The following PIP4K2A variants were observed in gnomAD, a reference collection of about 807,000 sequenced individuals.
PIP4K2A encodes the protein phosphatidylinositol-5-phosphate 4-kinase type 2 alpha, also known as phosphatidylinositol 5-phosphate 4-kinase type-2 alpha.
PIP4K2A carries 14 observed loss-of-function variants against 42.9 expected under a neutral mutation model. That is an observed-to-expected ratio of 0.33 (90% CI 0.22 to 0.51). The LOEUF is 0.51. PIP4K2A is among the 20% of genes least tolerant of loss of function. The pLI, the probability that PIP4K2A is intolerant of heterozygous loss-of-function variation, is 0.97. For synonymous variants in PIP4K2A, 192 were observed against 192.2 expected (o/e 1.00, Z 0.01); for missense variants, 434 against 519.8 (o/e 0.83, Z 1.61).
chr10:22,579,780 G>A (rs988648169), intron 4 of PIP4K2A, among the ~76,000 whole-genome samples: 1 of 151,958 alleles, frequency 6.6e-6, no homozygotes, highest in African/African-American at 2.4e-5. Context: ...ATGGTGGCAG[G>A]TGCCTGTAGT....
chr10:22,694,648 A>G (rs1839935172), intron 1 of PIP4K2A: 1 of 152,206 alleles, frequency 6.6e-6, no homozygotes, highest in African/African-American at 2.4e-5. Context: ...TTACTTAATC[A>G]GTCCCTTCAA....
At chr10:22,597,040 A>C (rs981685411) in intron 3 of PIP4K2A, among the ~76,000 whole-genome samples, 1 of 152,252 alleles carries the variant, frequency 6.6e-6, no homozygotes, top group African/African-American at 2.4e-5. Flanking sequence ...TTGCCAAGTA[A>C]AGTGTGTAGA....
chr10:22,677,696 C>T (rs555075789), intron 1 of PIP4K2A, among the ~76,000 whole-genome samples: 10 of 152,246 alleles, frequency 6.6e-5, no homozygotes, highest in Non-Finnish European at 1.3e-4. Context: ...ACCACTTCCA[C>T]TTGTCAGTTT....
chr10:22,556,517 T>A (rs534573899), intron 6 of PIP4K2A, among the ~76,000 whole-genome samples: 1 of 152,222 alleles, frequency 6.6e-6, no homozygotes, highest in Non-Finnish European at 1.5e-5. Context: ...TGGAATAAAA[T>A]GTAATGATTT....
Position 22,573,332 on chromosome 10 carries a change from C to T in PIP4K2A, c.618G>A (p.Val206=), listed in dbSNP as rs1250144890. 3.1e-6 allele frequency: 5 copies of T among 1,613,702 alleles called. No individual in the cohort carries two copies. Among genetic ancestry groups the T allele is most frequent in the East Asian group, 2.2e-5 (1 of 44,874 alleles). The change falls in exon 5 of 10, where the codon GTG becomes GTA. Residue 206 remains valine (V), a synonymous_variant. Coordinates refer to ENST00000376573, the MANE Select transcript of PIP4K2A (RefSeq NM_005028.5). ...TCACCTTTAAGTCGTATTTCCTATACACAGACAAACGGTGGCTGAATACAT... is the reference window on the plus strand; with the variant it reads ...TCACCTTTAAGTCGTATTTCCTATATACAGACAAACGGTGGCTGAATACAT... The part of the protein sequence containing the change: ...TRNVFSHRLS[V]YRKYDLKGST...
At chr10:22,680,941 G>T (rs1839647402) in intron 1 of PIP4K2A, among the ~76,000 whole-genome samples, 1 of 152,136 alleles carries the variant, frequency 6.6e-6, no homozygotes, top group South Asian at 2.1e-4. Context: ...CTTTGGGAGG[G>T]GCCCCTCACC....
At chr10:22,634,458 T>G (rs958946599) in intron 1 of PIP4K2A, among the ~76,000 whole-genome samples, 1 of 152,260 alleles carries the variant, frequency 6.6e-6, no homozygotes, top group African/African-American at 2.4e-5. Flanking sequence ...GTATCCGTTT[T>G]GGCCGAGTTC....
chr10:22,538,128 C>G (rs566519035), intron 9 of PIP4K2A, among the ~76,000 whole-genome samples: 1 of 152,352 alleles, frequency 6.6e-6, no homozygotes, highest in African/African-American at 2.4e-5. Context: ...TTTTTAGACA[C>G]CCATGTTCAC....
At chr10:22,591,606 A>C in intron 4 of PIP4K2A, 23 bp downstream of exon 4, 1 of 1,580,714 alleles carries the variant, frequency 6.3e-7, no homozygotes, top group Non-Finnish European at 8.6e-7. Flanking sequence ...TTGGAGTTTC[A>C]AATAAAGATC....
intron 1 of PIP4K2A, among the ~76,000 whole-genome samples, chr10:22,654,684 C>T: frequency 6.6e-6 from 1 of 152,088 alleles, no homozygotes; most frequent in East Asian, 1.9e-4. Context: ...GGTGGGGAAG[C>T]CCTGCAAGCT....
chr10:22,687,805 T>G (rs1436280720), intron 1 of PIP4K2A, among the ~76,000 whole-genome samples: 1 of 152,222 alleles, frequency 6.6e-6, no homozygotes, highest in African/African-American at 2.4e-5. Context: ...AAATCTGTAT[T>G]ATTCTCATTG....
chr10:22,640,468 G>C (rs986764851), intron 1 of PIP4K2A, among the ~76,000 whole-genome samples: 2 of 152,124 alleles, frequency 1.3e-5, no homozygotes, highest in Admixed American at 1.3e-4. Flanking sequence ...AAGCATGAAG[G>C]GGTCTAAGGA....
intron 1 of PIP4K2A, among the ~76,000 whole-genome samples, chr10:22,622,932 T>C (rs1443558472): frequency 4.0e-5 from 6 of 151,874 alleles, no homozygotes; most frequent in African/African-American, 1.2e-4. Flanking sequence ...AAAAGAAGGA[T>C]GAGGGGAGAA....
intron 1 of PIP4K2A, among the ~76,000 whole-genome samples, chr10:22,631,959 C>T (rs1429649953): frequency 6.6e-6 from 1 of 152,088 alleles, no homozygotes. Flanking sequence ...GGACATCACG[C>T]GCCTTCTGAT....
At chr10:22,711,903 T>C (rs1199989348) in intron 1 of PIP4K2A, among the ~76,000 whole-genome samples, 3 of 152,078 alleles carry the variant, frequency 2.0e-5, no homozygotes, top group Non-Finnish European at 4.4e-5. Context: ...GTAAAGAAAA[T>C]AGACATTTTG....
chr10:22,677,996 C>T (rs1564464745), intron 1 of PIP4K2A, among the ~76,000 whole-genome samples: 1 of 152,186 alleles, frequency 6.6e-6, no homozygotes, highest in Non-Finnish European at 1.5e-5. Flanking sequence ...TTTGGCTCCT[C>T]TAAATGAATA....
chr10:22,548,648 G>A (rs771050563), intron 7 of PIP4K2A, among the ~76,000 whole-genome samples: 12 of 152,282 alleles, frequency 7.9e-5, no homozygotes, highest in South Asian at 2.1e-4. Context: ...CATTTTATTA[G>A]TAACCACTCA....
rs1471505908 is a variant in PIP4K2A, at chr10:22,714,207, G to A, written c.120C>T (p.Val40=). Reference sequence around the variant, plus strand: ...CCGAGTGGTTTACCCCCCACATGAGGACGCTGAGCAGCGGGTCGCTGGCCC... The same window carrying A: ...CCGAGTGGTTTACCCCCCACATGAGAACGCTGAGCAGCGGGTCGCTGGCCC... ...LFRASDPLLS[V]LMWGVNHSIN... Residue 40 remains valine, a synonymous_variant, in exon 1 of 10, where the codon GTC becomes GTT. Transcript: ENST00000376573. The A allele has an allele frequency of 1.9e-6, 3 of 1,611,724 alleles. No individual in the cohort carries two copies. Among genetic ancestry groups the A allele is most frequent in the Non-Finnish European group, 2.5e-6 (3 of 1,178,738 alleles).
intron 1 of PIP4K2A, among the ~76,000 whole-genome samples, chr10:22,627,591 T>TTAAAAAAAAAAAAAAAAAAAA (rs1838469308): frequency 3.5e-5 from 2 of 56,994 alleles, no homozygotes; most frequent in Non-Finnish European, 6.3e-5. Flanking sequence ...TAATATGTAA[T>TTAAAAAAAAAAAAAAAAAAAA]AAAAAAAAAA....
Sources: gnomAD v4.1 joint callset for allele counts (sites outside exome capture counted in the v4.1 genomes callset) on GRCh38, gnomAD v4.1.1 for gene constraint, MANE v1.5 for transcripts, NCBI Gene and HGNC (gene_info 2026-07-23, HGNC 2026-07-21) for gene names.